IREB2: variants seen among roughly 807,000 people sequenced by gnomAD.
IREB2 encodes iron responsive element binding protein 2.
IREB2 carries 39 observed loss-of-function variants against 118.8 expected under a neutral mutation model. The ratio of observed to expected loss-of-function variants is 0.33; its 90% confidence interval spans 0.25 to 0.43. The LOEUF is 0.43. IREB2 is among the 20% of genes least tolerant of loss of function. The probability of loss-of-function intolerance (pLI) is 1.00; values close to 1 mark genes in which losing one functional copy is unlikely to be tolerated. For missense variants in IREB2, 900 were observed against 1,147.3 expected, an observed-to-expected ratio of 0.78 and a Z score of 3.11; for synonymous variants, 372 against 392.2, an observed-to-expected ratio of 0.95 and a Z score of 0.61.
chr15:78,447,267 C>CTTAGTAGGTAA (rs2050946431), intron 2 of IREB2, among the ~76,000 whole-genome samples: 1 of 151,064 alleles, frequency 6.6e-6, no homozygotes, highest in Non-Finnish European at 1.5e-5. Context: ...TCTTCAACCT[C>CTTAGTAGGTAA]CTGGACTCAG....
upstream of IREB2, chr15:78,437,860 G>C: frequency 6.0e-6 from 1 of 165,896 alleles, no homozygotes; most frequent in East Asian, 1.7e-4. Flanking sequence ...GGGGAAAGCG[G>C]TTCTCCTTGA....
chr15:78,488,106 T>G, intron 14 of IREB2, 74 bp from the exon 15 acceptor site: 1 of 1,402,396 alleles, frequency 7.1e-7, no homozygotes, highest in Non-Finnish European at 9.7e-7. Flanking sequence ...TTAAGATTGC[T>G]TATATATGAT....
intron 2 of IREB2, among the ~76,000 whole-genome samples, chr15:78,454,634 A>T (rs947995052): frequency 6.6e-6 from 1 of 152,232 alleles, no homozygotes; most frequent in Non-Finnish European, 1.5e-5. Context: ...TCGCTAAATC[A>T]TACACTTGGA....
At chr15:78,438,158 G>T (rs2050781158), upstream of IREB2, 1 of 573,636 alleles carries the variant, frequency 1.7e-6, no homozygotes, top group South Asian at 2.1e-5. Context: ...GGAGTTAGGC[G>T]ACAAATCCCG....
intron 10 of IREB2, among the ~76,000 whole-genome samples, chr15:78,480,457 A>T (rs1398902512): frequency 6.6e-6 from 1 of 152,054 alleles, no homozygotes; most frequent in East Asian, 1.9e-4. Flanking sequence ...AGGCAGGCAG[A>T]TCACCTCCTG....
At chr15:78,484,641 A>T in intron 11 of IREB2, 120 bp from the exon 12 acceptor site, 1 of 690,488 alleles carries the variant, frequency 1.4e-6, no homozygotes. Context: ...AGCATCACTC[A>T]CAAAAAGGAT....
At chr15:78,466,628 C>T in intron 5 of IREB2, 139 bp downstream of exon 5, 1 of 620,664 alleles carries the variant, frequency 1.6e-6, no homozygotes, top group South Asian at 2.0e-5. Context: ...ATATGTATTT[C>T]CTGTTATACT....
chr15:78,460,256 T>C (rs575510836), intron 2 of IREB2, among the ~76,000 whole-genome samples: 1 of 152,354 alleles, frequency 6.6e-6, no homozygotes, highest in South Asian at 2.1e-4. Context: ...CTTCCACATT[T>C]ACTAGCTGTA....
rs777329447 is a variant in IREB2, at chr15:78,494,286, C to T, written c.2595+22C>T. 14 of 1,603,804 alleles carry T rather than the reference C, an allele frequency of 8.7e-6. No individual in the cohort carries two copies. In the East Asian group the frequency reaches 3.1e-4, roughly 36 times the overall value. On this transcript the variant is annotated intron_variant, in intron 20 of 21. Transcript: ENST00000258886. ...ACTGGTATTGAATCTTAAAATTTAT[C>T]ATCTTAAGCTTCAAAGAGTTTTAAC... is the stretch of plus-strand genomic sequence containing the variant.
At chr15:78,438,715 T>G in intron 1 of IREB2, 1 of 349,158 alleles carries the variant, frequency 2.9e-6, no homozygotes, top group Non-Finnish European at 5.4e-6. Context: ...CGCCCCCCAT[T>G]GGCGAGCGAT....
chr15:78,496,221 T>C (rs1285551069), intron 20 of IREB2, among the ~76,000 whole-genome samples: 1 of 152,234 alleles, frequency 6.6e-6, no homozygotes, highest in Non-Finnish European at 1.5e-5. Flanking sequence ...TCTCTCATCC[T>C]ATTCCCTTTG....
At chr15:78,496,156 C>T (rs1451573456) in intron 20 of IREB2, among the ~76,000 whole-genome samples, 1 of 152,216 alleles carries the variant, frequency 6.6e-6, no homozygotes, top group Admixed American at 6.5e-5. Flanking sequence ...TCTGCGGTTT[C>T]AGCATTGTCT....
At chr15:78,437,603 T>C (rs1567157509), upstream of IREB2, 1 of 152,638 alleles carries the variant, frequency 6.6e-6, no homozygotes, top group African/African-American at 2.4e-5. Flanking sequence ...CGACAGGAGA[T>C]AATGCTGGGT....
chr15:78,459,845 C>T (rs1324773153), intron 2 of IREB2, among the ~76,000 whole-genome samples: 2 of 151,878 alleles, frequency 1.3e-5, no homozygotes, highest in Admixed American at 6.6e-5. Context: ...TGTTGAAAAA[C>T]CTAGGTTCTT....
In IREB2 at chr15:78,473,428, T is replaced by C. The variant is rs757443191; in HGVS notation, c.1023+47T>C. On this transcript the variant is annotated intron_variant, in intron 8 of 21. Coordinates refer to ENST00000258886, the MANE Select transcript of IREB2 (RefSeq NM_004136.4). ...TCTATGACTTACTGAACATTATTTT[T>C]ATAAAAATTGAAGAGCTCTATGAGA... The C allele has an allele frequency of 1.9e-6, 3 of 1,550,542 alleles. No homozygotes were observed. The East Asian group carries it at 6.7e-5, about 35-fold the overall frequency.
chr15:78,467,983 C>T (rs775735696), intron 5 of IREB2, among the ~76,000 whole-genome samples: 8 of 152,028 alleles, frequency 5.3e-5, no homozygotes, highest in Non-Finnish European at 1.2e-4. Context: ...CCTCAGCTTC[C>T]CAAGTAGCTG....
chr15:78,495,060 G>A (rs2051817654), intron 20 of IREB2, among the ~76,000 whole-genome samples: 1 of 152,126 alleles, frequency 6.6e-6, no homozygotes, highest in Non-Finnish European at 1.5e-5. Context: ...GAGCAAATAG[G>A]CCATCTGCTG....
Position 78,471,896 on chromosome 15 carries a change from G to A in IREB2, c.855G>A (p.Met285Ile). 1 of 1,604,184 alleles carries A rather than the reference G, an allele frequency of 6.2e-7. No homozygotes were observed. ...TCGGCACAGATTCACACATAACGAT[G>A]GTGAATGGTTTAGGGATTCTGGGGT... Reference protein sequence around the residue: ...SVVGTDSHITMVNGLGILGWG... With the variant: ...SVVGTDSHITIVNGLGILGWG... The change falls in exon 7 of 22, where the codon ATG becomes ATA. Residue 285 changes from methionine (M) to isoleucine (I), a missense_variant. Coordinates refer to ENST00000258886, the MANE Select transcript of IREB2 (RefSeq NM_004136.4).
At chr15:78,462,261 T>C (rs1015686695) in intron 2 of IREB2, among the ~76,000 whole-genome samples, 1 of 152,210 alleles carries the variant, frequency 6.6e-6, no homozygotes, top group East Asian at 1.9e-4. Context: ...ATTACAGTGA[T>C]TTATTCAACT....
Sources: gnomAD v4.1 joint callset for allele counts (sites outside exome capture counted in the v4.1 genomes callset) on GRCh38, gnomAD v4.1.1 for gene constraint, MANE v1.5 for transcripts, NCBI Gene and HGNC (gene_info 2026-07-23, HGNC 2026-07-21) for gene names.